Variants in MYH7 observed in about 807,000 individuals in gnomAD.
MYH7 encodes myosin heavy chain 7.
Under a neutral mutation model 225.4 loss-of-function variants are expected in MYH7, and 129 were observed. That is an observed-to-expected ratio of 0.57 (90% confidence interval 0.50 to 0.66). MYH7 has a LOEUF of 0.66. MYH7 is among the 30% of genes least tolerant of loss of function. The probability of loss-of-function intolerance (pLI) is 0.00; values close to 1 mark genes in which losing one functional copy is unlikely to be tolerated. For missense variants in MYH7, 1,649 were observed against 2,517.0 expected, an observed-to-expected ratio of 0.66 and a Z score of 7.38; for synonymous variants, 971 against 1,007.6, an observed-to-expected ratio of 0.96 and a Z score of 0.69.
At chr14:23,430,480 G>A (rs757247074) in intron 11 of MYH7, 80 bp downstream of exon 11, 95 of 1,138,716 alleles carry the variant, frequency 8.3e-5, no homozygotes, top group Admixed American at 1.7e-4. Flanking sequence ...AATGGCCAGC[G>A]TCTTAGCTCT....
Position 23,425,534 on chromosome 14 carries a change from G to C in MYH7, c.2287-116C>G. The C allele has an allele frequency of 1.3e-6, 2 of 1,582,792 alleles. No individual in the cohort carries two copies. The highest frequency in any genetic ancestry group is 1.7e-6 in the Non-Finnish European group (2 of 1,161,064). On this transcript the variant is annotated intron_variant, in intron 20 of 39. Transcript: ENST00000355349. This position sits in a 1 kb window ranked among gnomAD's most constrained non-coding sequence, Gnocchi z 4.6. ...AAAGGATTGCAGGGAGGAGGTCAATGGCAGCTGGAGCTGGGATGAGGGGAG... is the reference window on the plus strand; with the variant it reads ...AAAGGATTGCAGGGAGGAGGTCAATCGCAGCTGGAGCTGGGATGAGGGGAG...
rs1893049164 is a variant in MYH7, at chr14:23,433,801, C to A, written c.-8-61G>T. 1 of 1,552,866 alleles carries A rather than the reference C, an allele frequency of 6.4e-7. No homozygotes were observed. Among genetic ancestry groups the A allele is most frequent in the South Asian group, 1.1e-5 (1 of 88,856 alleles). ...CCCATTCTTCCCTTCCCTCCCTGGG[C>A]TCTCCCCTTCAGTGGGAGCCCCAAA... On this transcript the variant is annotated intron_variant, in intron 2 of 39. Transcript: ENST00000355349. This position sits in a 1 kb window ranked among gnomAD's most constrained non-coding sequence, Gnocchi z 4.1.
chr14:23,430,294 T>C (rs1892875023), intron 11 of MYH7, among the ~76,000 whole-genome samples: 1 of 152,122 alleles, frequency 6.6e-6, no homozygotes, highest in African/African-American at 2.4e-5. Context: ...TCCTGCTCCC[T>C]CGGTGATGCT....
chr14:23,421,854 A>G, intron 25 of MYH7: 1 of 878,018 alleles, frequency 1.1e-6, no homozygotes, highest in Non-Finnish European at 1.4e-6. Context: ...TCTCATGTGG[A>G]GCCTTCCTCC....
At chr14:23,423,135 A>G (rs906486318) in intron 24 of MYH7, among the ~76,000 whole-genome samples, 1 of 152,198 alleles carries the variant, frequency 6.6e-6, no homozygotes, top group African/African-American at 2.4e-5. Flanking sequence ...CAATGATCAG[A>G]TTCTGCCTTA....
intron 24 of MYH7, 117 bp from the exon 25 acceptor site, chr14:23,422,442 C>T (rs1443673735): frequency 2.6e-5 from 35 of 1,357,332 alleles, no homozygotes; most frequent in South Asian, 7.3e-5. Context: ...GAAACCTTCC[C>T]CAGAGTGGGC....
At chr14:23,420,919 C>G in intron 26 of MYH7, 39 bp downstream of exon 26, 1 of 1,530,454 alleles carries the variant, frequency 6.5e-7, no homozygotes, top group Non-Finnish European at 9.0e-7. Flanking sequence ...CAGAACCAGC[C>G]CAGGGACTCA....
rs529700838 is a variant in MYH7 at position 23,419,950 on chromosome 14, G to T, written c.3621C>A (p.Ile1207=). 32 of 1,609,152 alleles carry T rather than the reference G, an allele frequency of 2.0e-5. No individual in the cohort carries two copies. The highest frequency in any genetic ancestry group is 1.2e-4 in the African/African-American group (9 of 74,644). The change falls in exon 27 of 40, where the codon ATC becomes ATA. Residue 1207 remains isoleucine (I), a synonymous_variant. Coordinates refer to ENST00000355349, the MANE Select transcript of MYH7 (RefSeq NM_000257.4). ...TCTGCTTCACCCGCTGCAGGTTGTCGATCTGCTCGCCCAGCTCGGCCACGC... is the reference window on the plus strand; with the variant it reads ...TCTGCTTCACCCGCTGCAGGTTGTCTATCTGCTCGCCCAGCTCGGCCACGC... ...ADSVAELGEQ[I]DNLQRVKQKL... is the part of the protein sequence containing the mutation.
chr14:23,414,920 C>CGG, intron 37 of MYH7, 75 bp downstream of exon 37: 1 of 1,591,986 alleles, frequency 6.3e-7, no homozygotes, highest in Non-Finnish European at 8.5e-7. Context: ...TAAGAGCAAA[C>CGG]TCTTCATTCT....
Position 23,425,329 on chromosome 14 carries a change from G to A in MYH7, c.2376C>T (p.Ser792=). 6.2e-7 allele frequency: 1 copy of A among 1,614,168 alleles called. No individual in the cohort carries two copies. The highest frequency in any genetic ancestry group is 8.5e-7 in the Non-Finnish European group (1 of 1,180,040). Residue 792 remains serine (S), a synonymous_variant, in exon 21 of 40, where the codon TCC becomes TCT. Coordinates refer to ENST00000355349, the MANE Select transcript of MYH7 (RefSeq NM_000257.4). This position sits in a 1 kb window ranked among gnomAD's most constrained non-coding sequence, Gnocchi z 4.6. ...SRIITRIQAQ[S]RGVLARMEYK... ...ACTCCATTCTGGCGAGCACACCTCG[G>A]GACTGGGCCTGGATACGCGTGATGA...
chr14:23,428,780 A>G, intron 14 of MYH7, 110 bp from the exon 15 acceptor site: 1 of 1,586,918 alleles, frequency 6.3e-7, no homozygotes. Context: ...GGTCCCCTCC[A>G]TGTCAAGGCA....
intron 39 of MYH7, among the ~76,000 whole-genome samples, 198 bp downstream of exon 39, chr14:23,413,561 C>T (rs1445317356): frequency 7.4e-5 from 9 of 121,198 alleles, no homozygotes; most frequent in East Asian, 2.0e-4. Flanking sequence ...AGTGAGACAC[C>T]GTCTCAAAAA....
chr14:23,425,305 C>G lies in MYH7; in HGVS notation c.2400G>C (p.Glu800Asp). The G allele has an allele frequency of 6.2e-6, 10 of 1,614,190 alleles. No homozygotes were observed. The highest frequency in any genetic ancestry group is 7.6e-6 in the Non-Finnish European group (9 of 1,180,038). ...AQSRGVLARM[E>D]YKKLLERRDS... ...ACCTACGTTCCAGCAGCTTTTTGTA[C>G]TCCATTCTGGCGAGCACACCTCGGG... is the stretch of plus-strand genomic sequence containing the variant. The change falls in exon 21 of 40, where the codon GAG becomes GAC. Residue 800 changes from glutamate to aspartate, a missense_variant. By Grantham distance (45) the Glu-to-Asp change is conservative. Transcript: ENST00000355349. The surrounding 1 kb of genome is among the most constrained non-coding windows in gnomAD (Gnocchi z 4.6).
chr14:23,420,001 C>T lies in MYH7; in HGVS notation c.3570G>A (p.Ala1190=), dbSNP rs745582917. The change falls in exon 27 of 40, where the codon GCG becomes GCA. Residue 1190 remains alanine (A), a synonymous_variant. Transcript: ENST00000355349. ...TGTCGGCGTGCTTCTTGCGCAGGGC[C>T]GCGGCAGTGGCCTCGTGCTGCAGCG... ...EATLQHEATA[A]ALRKKHADSV... 7 of 1,595,844 alleles carry T rather than the reference C, an allele frequency of 4.4e-6. No homozygotes were observed. Among genetic ancestry groups the T allele is most frequent in the East Asian group, 4.5e-5 (2 of 44,484 alleles).
chr14:23,425,776 G>A lies in MYH7; in HGVS notation c.2205C>T (p.Phe735=). ...LNPAAIPEGQ[F]IDSRKGAEKL... Reference sequence around the variant, plus strand: ...TCTCTGCCCCCTTCCTGCTATCAATGAACTGTCCCTCAGGGATGGCCGCTG... The same window carrying A: ...TCTCTGCCCCCTTCCTGCTATCAATAAACTGTCCCTCAGGGATGGCCGCTG... The change falls in exon 20 of 40, where the codon TTC becomes TTT. Residue 735 remains phenylalanine, a synonymous_variant. Transcript: ENST00000355349. This position sits in a 1 kb window ranked among gnomAD's most constrained non-coding sequence, Gnocchi z 4.6. The A allele has an allele frequency of 6.2e-7, 1 of 1,613,972 alleles. No individual in the cohort carries two copies. The highest frequency in any genetic ancestry group is 8.5e-7 in the Non-Finnish European group (1 of 1,179,864).
chr14:23,424,309 T>C (rs1892606742), intron 22 of MYH7, among the ~76,000 whole-genome samples, 160 bp from the exon 23 acceptor site: 1 of 152,096 alleles, frequency 6.6e-6, no homozygotes, highest in African/African-American at 2.4e-5. Context: ...AGTTTCAGGA[T>C]AGTATAACTT....
In MYH7 at chr14:23,432,345, A is replaced by G. The variant is rs1049587726; in HGVS notation, c.530+134T>C. 8.3e-6 allele frequency: 9 copies of G among 1,088,996 alleles called. No homozygotes were observed. The African/African-American group carries it at 1.4e-4, about 17-fold the overall frequency. 67.5% of individuals were successfully genotyped at this position (1,088,996 alleles called of 1,614,324 possible). ...AAAGAGAGGGGTCAGGGTAATGGTC[A>G]GAGAAGAAGGAGATGGGCACGAGGT... On this transcript the variant is annotated intron_variant, in intron 6 of 39. Coordinates refer to ENST00000355349, the MANE Select transcript of MYH7 (RefSeq NM_000257.4).
rs1308445601 is a variant in MYH7 at position 23,423,627 on chromosome 14, G to C, written c.3019C>G (p.Leu1007Val). 2 of 1,614,134 alleles carry C rather than the reference G, an allele frequency of 1.2e-6. No homozygotes were observed. The highest frequency in any genetic ancestry group is 1.7e-6 in the Non-Finnish European group (2 of 1,180,044). Residue 1007 changes from leucine to valine, a missense_variant, in exon 24 of 40, where the codon CTG becomes GTG. This residue lies in a region of MYH7 where 282 missense variants were observed against 315.3 expected (regional missense o/e 0.89). Transcript: ENST00000355349. ...KALQEAHQQA[L>V]DDLQAEEDKV... is the part of the protein sequence containing the mutation. ...TCCTCCTCGGCCTGAAGGTCATCCA[G>C]AGCCTGTTGGTGGGCCTCTTGCAGA...
intron 39 of MYH7, 57 bp from the exon 40 acceptor site, chr14:23,412,928 CAG>C: frequency 1.9e-6 from 3 of 1,585,592 alleles, no homozygotes; most frequent in Non-Finnish European, 2.6e-6. Context: ...TGGGCAGGGA[CAG>C]GGCATGGGAA....
Sources: allele counts gnomAD v4.1 joint callset (sites outside exome capture counted in the v4.1 genomes callset), GRCh38; gene constraint gnomAD v4.1.1; regional missense constraint gnomAD v4.1.1; non-coding constraint Gnocchi (gnomAD v3.1); transcripts MANE v1.5; gene names NCBI Gene and HGNC (gene_info 2026-07-23, HGNC 2026-07-21).